ABCA10: variants seen among roughly 807,000 people sequenced by gnomAD.
The protein encoded by ABCA10 is ATP-binding cassette sub-family A member 10.
A neutral mutation model predicts 187.5 loss-of-function variants in ABCA10; 169 were observed. That is an observed-to-expected ratio of 0.90 (90% CI 0.80 to 1.02). ABCA10 has a LOEUF of 1.02. Among genes scored for constraint, ABCA10 ranks in the 50% least tolerant of loss-of-function variants. The pLI is 0.00. For missense variants in ABCA10, 1,727 were observed against 1,812.4 expected (o/e 0.95, Z 0.86); for synonymous variants, 574 against 601.8 (o/e 0.95, Z 0.68).
In ABCA10 at chr17:69,197,088, T is replaced by C. The variant is rs766456533; in HGVS notation, c.1210A>G (p.Thr404Ala). ...RNVIKEYNGK[T>A]GKVEALQGIF... ...CCTTGCAATGCTTCTACTTTTCCAG[T>C]CTTTCCATTATATTCTTTTATAACA... The change falls in exon 11 of 39, where the codon ACT (threonine) becomes GCT (alanine). Residue 404 changes from threonine to alanine, a missense_variant. Physicochemically the swap from Thr to Ala is moderately conservative, Grantham distance 58. Coordinates refer to ENST00000690296, the MANE Select transcript of ABCA10 (RefSeq NM_001377321.1). The C allele has an allele frequency of 1.9e-6, 3 of 1,596,706 alleles. No individual in the cohort carries two copies. The highest frequency in any genetic ancestry group is 1.1e-5 in the South Asian group (1 of 89,834).
intron 19 of ABCA10, among the ~76,000 whole-genome samples, 198 bp from the exon 20 acceptor site, chr17:69,185,841 T>C (rs1307353609): frequency 6.6e-6 from 1 of 152,136 alleles, no homozygotes; most frequent in Admixed American, 6.6e-5. Context: ...CATTGGAAGA[T>C]ATTCAAGGGT....
chr17:69,205,200 A>T (rs1416439760), intron 9 of ABCA10, among the ~76,000 whole-genome samples: 2 of 152,210 alleles, frequency 1.3e-5, no homozygotes, highest in African/African-American at 2.4e-5. Flanking sequence ...AATTTAATCA[A>T]ATGTAAGGAC....
At chr17:69,202,569 T>C (rs2074554577) in intron 9 of ABCA10, among the ~76,000 whole-genome samples, 1 of 152,170 alleles carries the variant, frequency 6.6e-6, no homozygotes, top group South Asian at 2.1e-4. Context: ...TTAGAAAAAT[T>C]AAATAAGCAC....
At chr17:69,152,646 G>A (rs1654438320) in intron 34 of ABCA10, among the ~76,000 whole-genome samples, 165 bp from the exon 35 acceptor site, 1 of 152,078 alleles carries the variant, frequency 6.6e-6, no homozygotes, top group Non-Finnish European at 1.5e-5. Context: ...AATTAGCCAG[G>A]CATGGTGGCA....
At chr17:69,196,343 C>G (rs1283767718) in intron 11 of ABCA10, 1 of 170,600 alleles carries the variant, frequency 5.9e-6, no homozygotes, top group Non-Finnish European at 1.2e-5. Context: ...GGGTGGCGGT[C>G]GGGCAGAGAC....
At position 69,176,665 on chromosome 17, in the gene ABCA10, G is replaced by A. The variant is rs2074336361; in HGVS notation, c.2770-1152C>T. Among the ~76,000 whole-genome samples, 6 of 152,184 alleles carry A rather than the reference G, an allele frequency of 3.9e-5. No individual in the cohort carries two copies. In the South Asian group the frequency reaches 1.2e-3, roughly 32 times the overall value. ...GGATATTACCCATGTTGTTGATCCT[G>A]TTGCTTAATATTAAATGGGCCAATG... is the stretch of plus-strand genomic sequence containing the variant. On this transcript the variant is annotated intron_variant, in intron 22 of 38. Coordinates refer to ENST00000690296, the MANE Select transcript of ABCA10 (RefSeq NM_001377321.1).
chr17:69,198,993 A>G (rs1029040141), intron 10 of ABCA10, among the ~76,000 whole-genome samples: 2 of 152,176 alleles, frequency 1.3e-5, no homozygotes, highest in African/African-American at 4.8e-5. Context: ...TCTTAAAGTT[A>G]ACCTCTCTCT....
Position 69,221,811 on chromosome 17 carries a change from A to C in ABCA10, c.284T>G (p.Ile95Ser). ...LKGFVAFQAA[I>S]NAAIIEVTTN... ...ACTTACTTCTATAATTGCAGCATTA[A>C]TTGCAGCTTGAAAAGCTACAAACCC... Residue 95 changes from isoleucine to serine, a missense_variant, in exon 5 of 39, where the codon ATT (isoleucine) becomes AGT (serine). Coordinates refer to ENST00000690296, the MANE Select transcript of ABCA10 (RefSeq NM_001377321.1). The C allele has an allele frequency of 6.2e-7, 1 of 1,611,856 alleles. No homozygotes were observed.
rs561862422 is a variant in ABCA10 at position 69,242,625 on chromosome 17, C to G, written c.-593+1904G>C. On this transcript the variant is annotated intron_variant, in intron 1 of 39. Transcript: ENST00000269081. The stretch of plus-strand genomic sequence containing the variant: ...GATTACAGGCACGTGCCACCACACC[C>G]AGCTAATTTTATATTTTTAGTAGAG... Among the ~76,000 whole-genome samples, 7 of 152,202 alleles carry G rather than the reference C, an allele frequency of 4.6e-5. No homozygotes were observed. The South Asian group carries it at 1.5e-3, about 32-fold the overall frequency.
At chr17:69,152,885 A>T (rs1303753927) in intron 34 of ABCA10, among the ~76,000 whole-genome samples, 1 of 152,180 alleles carries the variant, frequency 6.6e-6, no homozygotes, top group Non-Finnish European at 1.5e-5. Flanking sequence ...ATTGTGTTAT[A>T]TTGCCTAATG....
chr17:69,161,516 T>C (rs1425214384), intron 27 of ABCA10, among the ~76,000 whole-genome samples: 1 of 152,178 alleles, frequency 6.6e-6, no homozygotes, highest in Admixed American at 6.5e-5. Context: ...CCATGAAGTA[T>C]AATGTGGTGG....
chr17:69,163,787 C>T (rs553276839), intron 27 of ABCA10, among the ~76,000 whole-genome samples: 1 of 152,176 alleles, frequency 6.6e-6, no homozygotes. Context: ...CTGAGCCATA[C>T]ACCATATGCT....
intron 30 of ABCA10, 48 bp downstream of exon 30, chr17:69,154,971 G>C (rs748551218): frequency 7.3e-7 from 1 of 1,371,790 alleles, no homozygotes; most frequent in South Asian, 1.3e-5. Flanking sequence ...CTTAAATCTA[G>C]AGAATAAGGA....
intron 9 of ABCA10, among the ~76,000 whole-genome samples, chr17:69,213,649 T>C (rs1295475074): frequency 6.6e-6 from 1 of 152,172 alleles, no homozygotes; most frequent in Non-Finnish European, 1.5e-5. Flanking sequence ...GCTATAAGCC[T>C]CCCTGCTGAG....
At chr17:69,239,124 G>A (rs191181152) in intron 1 of ABCA10, among the ~76,000 whole-genome samples, 4 of 152,254 alleles carry the variant, frequency 2.6e-5, no homozygotes, top group Admixed American at 6.5e-5. Context: ...TGATTGGGGT[G>A]TTTAAAAAGG....
chr17:69,213,915 T>A (rs2074680552), intron 9 of ABCA10, among the ~76,000 whole-genome samples: 1 of 152,246 alleles, frequency 6.6e-6, no homozygotes. Context: ...ATTGGGCTGA[T>A]GTTTCGACAA....
chr17:69,168,178 C>T (rs760011110), intron 25 of ABCA10, among the ~76,000 whole-genome samples: 17 of 152,030 alleles, frequency 1.1e-4, no homozygotes, highest in Non-Finnish European at 1.9e-4. Flanking sequence ...ACAAAATACA[C>T]GTTAAGCAAC....
intron 25 of ABCA10, among the ~76,000 whole-genome samples, chr17:69,167,940 T>G (rs2074266261): frequency 6.6e-6 from 1 of 152,092 alleles, no homozygotes; most frequent in Non-Finnish European, 1.5e-5. Context: ...CTTCCACCTC[T>G]TCCACCTCTT....
intron 2 of ABCA10, among the ~76,000 whole-genome samples, chr17:69,226,479 T>G (rs1245714391): frequency 6.6e-6 from 1 of 152,154 alleles, no homozygotes; most frequent in South Asian, 2.1e-4. Context: ...CTGAACAGAC[T>G]GCAATCTCTA....
Sources: gnomAD v4.1 joint callset for allele counts (sites outside exome capture counted in the v4.1 genomes callset) on GRCh38, gnomAD v4.1.1 for gene constraint, MANE v1.5 for transcripts, NCBI Gene and HGNC (gene_info 2026-07-23, HGNC 2026-07-21) for gene names.